MEGF6: variants seen among roughly 807,000 people sequenced by gnomAD.
MEGF6 encodes multiple epidermal growth factor-like domains protein 6.
A neutral mutation model predicts 207.1 loss-of-function variants in MEGF6; 184 were observed. The ratio of observed to expected loss-of-function variants is 0.89; its 90% confidence interval spans 0.79 to 1.00. The LOEUF (loss-of-function observed/expected upper bound fraction) is 1.00, where lower values mean the gene tolerates loss of function less well. Among genes scored for constraint, MEGF6 ranks in the 50% least tolerant of loss-of-function variants. The pLI, the probability that MEGF6 is intolerant of heterozygous loss-of-function variation, is 0.00. For missense variants in MEGF6, 2,282 were observed against 2,202.9 expected, an observed-to-expected ratio of 1.04 and a Z score of -0.72; for synonymous variants, 1,038 against 910.0, an observed-to-expected ratio of 1.14 and a Z score of -2.53.
intron 3 of MEGF6, among the ~76,000 whole-genome samples, chr1:3,584,165 G>A (rs143296542): frequency 7.9e-4 from 121 of 152,366 alleles, no homozygotes; most frequent in African/African-American, 2.6e-3. Context: ...AGGGCATGGC[G>A]GCATGTCCAG....
intron 13 of MEGF6, 26 bp from the exon 14 acceptor site, chr1:3,507,949 AG>A: frequency 6.2e-7 from 1 of 1,602,560 alleles, no homozygotes; most frequent in African/African-American, 1.3e-5. Context: ...GGGAAGCGTC[AG>A]GGTCACCAGC....
At position 3,585,050 on chromosome 1, in the gene MEGF6, GAGTGAGTGACACGTGTCCTA is replaced by G. The variant is rs1190450741; in HGVS notation, c.377-5141_377-5122del. ...TGAGTGACACACGTCCTGTGTGTGGGAGTGAGTGACACGTGTCCTATGTGTGAGTGTGAGTGAGGACACAT... is the reference window on the plus strand; with the variant it reads ...TGAGTGACACACGTCCTGTGTGTGGGTGTGTGAGTGTGAGTGAGGACACAT... On this transcript the variant is annotated intron_variant, in intron 3 of 36. Transcript: ENST00000356575. 4.2e-4 allele frequency among the ~76,000 whole-genome samples: 64 copies of G among 151,888 alleles called. 1 individual carries two copies. In the South Asian group the frequency reaches 4.9e-3, roughly 12 times the overall value.
intron 4 of MEGF6, among the ~76,000 whole-genome samples, chr1:3,534,755 A>T (rs1172829555): frequency 6.6e-6 from 1 of 152,236 alleles, no homozygotes; most frequent in African/African-American, 2.4e-5. Context: ...GGACACAGCC[A>T]TGGTCCGGAG....
chr1:3,576,920 G>C (rs1172670214), intron 4 of MEGF6, among the ~76,000 whole-genome samples: 1 of 137,248 alleles, frequency 7.3e-6, no homozygotes, highest in Non-Finnish European at 1.5e-5. Context: ...ACCTGGCCCT[G>C]CACACTCCAC....
chr1:3,499,055 C>G (rs1466908181), intron 24 of MEGF6, 83 bp downstream of exon 24: 1 of 1,540,648 alleles, frequency 6.5e-7, no homozygotes, highest in Non-Finnish European at 8.8e-7. Context: ...CCCCAGGCAC[C>G]AAGTGTCCTG....
chr1:3,541,525 T>C (rs1642518762), intron 4 of MEGF6, among the ~76,000 whole-genome samples: 1 of 152,160 alleles, frequency 6.6e-6, no homozygotes, highest in South Asian at 2.1e-4. Context: ...CTGGCCTGGG[T>C]GCCAGGACCA....
intron 4 of MEGF6, among the ~76,000 whole-genome samples, chr1:3,532,183 A>G (rs966291430): frequency 6.6e-6 from 1 of 152,226 alleles, no homozygotes; most frequent in Non-Finnish European, 1.5e-5. Context: ...CCTCGAGGGC[A>G]TAGCCCGGGG....
chr1:3,580,258 A>G, intron 3 of MEGF6, among the ~76,000 whole-genome samples: 1 of 107,074 alleles, frequency 9.3e-6, no homozygotes, highest in African/African-American at 3.5e-5. Flanking sequence ...GGGAGGAGGG[A>G]AGGTGGGGGT....
intron 4 of MEGF6, 81 bp downstream of exon 4, chr1:3,579,744 G>T: frequency 1.0e-6 from 1 of 995,682 alleles, no homozygotes; most frequent in Non-Finnish European, 1.4e-6. Flanking sequence ...TGCTGGGGAC[G>T]GCCAGTGGCC....
intron 4 of MEGF6, among the ~76,000 whole-genome samples, chr1:3,557,199 T>G (rs1222922346): frequency 6.6e-6 from 1 of 152,196 alleles, no homozygotes; most frequent in Non-Finnish European, 1.5e-5. Context: ...TGACAAGACC[T>G]TGGCGTAAGC....
Position 3,490,909 on chromosome 1 carries a change from T to C in MEGF6, c.4564+3A>G, listed in dbSNP as rs187710914. On this transcript the variant is annotated splice_donor_region_variant and intron_variant, in intron 36 of 36. Coordinates refer to ENST00000356575, the MANE Select transcript of MEGF6 (RefSeq NM_001409.4). ...GCCCACGGGCATTCCCCACACCCCTTACCTGAGCCCTGGGCTAAGGACGGG... is the reference window on the plus strand; with the variant it reads ...GCCCACGGGCATTCCCCACACCCCTCACCTGAGCCCTGGGCTAAGGACGGG... 4 of 1,589,384 alleles carry C rather than the reference T, an allele frequency of 2.5e-6. No individual in the cohort carries two copies. The highest frequency in any genetic ancestry group is 1.7e-5 in the Admixed American group (1 of 57,230).
chr1:3,499,939 C>G lies in MEGF6; in HGVS notation c.2708-15G>C. The stretch of plus-strand genomic sequence containing the variant: ...CTGGGGACACTCTGAGATATGCAGC[C>G]CCGGCCCACAGTCAGCCAGAGGGCC... On this transcript the variant is annotated splice_polypyrimidine_tract_variant and intron_variant, in intron 21 of 36. Coordinates refer to ENST00000356575, the MANE Select transcript of MEGF6 (RefSeq NM_001409.4). The G allele has an allele frequency of 6.5e-7, 1 of 1,549,360 alleles. No homozygotes were observed. The highest frequency in any genetic ancestry group is 2.4e-5 in the East Asian group (1 of 41,424).
intron 3 of MEGF6, among the ~76,000 whole-genome samples, chr1:3,583,885 C>T (rs61762199): frequency 0.011 from 485 of 43,578 alleles, 5 homozygotes; most frequent in South Asian, 0.021. Flanking sequence ...CACCAGACAA[C>T]GCGCAGCCAC....
In MEGF6 at chr1:3,500,743, C is replaced by T; in HGVS notation, c.2597G>A (p.Gly866Glu). 1.2e-6 allele frequency: 2 copies of T among 1,603,346 alleles called. No individual in the cohort carries two copies. Among genetic ancestry groups the T allele is most frequent in the Non-Finnish European group, 8.5e-7 (1 of 1,175,654 alleles). The change falls in exon 21 of 37, where the codon GGA (glycine) becomes GAA (glutamate). Residue 866 changes from glycine (G) to glutamate (E), a missense_variant. Gly to Glu is a moderately conservative substitution (Grantham distance 98). Coordinates refer to ENST00000356575, the MANE Select transcript of MEGF6 (RefSeq NM_001409.4). ...GTTGCAGGGGTGGCTGCAGTCAGGT[C>T]CCCAGTGCCCAGTATCACAGGCTGC... ...CQRACDTGHW[G>E]PDCSHPCNCS...
intron 32 of MEGF6, 76 bp from the exon 33 acceptor site, chr1:3,494,200 C>G (rs1640501096): frequency 1.3e-6 from 2 of 1,505,440 alleles, no homozygotes; most frequent in Admixed American, 2.2e-5. Flanking sequence ...TGAGTAAAAC[C>G]CGCCAATCCA....
intron 5 of MEGF6, among the ~76,000 whole-genome samples, chr1:3,520,599 G>A (rs1439069592): frequency 6.6e-6 from 1 of 152,032 alleles, no homozygotes; most frequent in African/African-American, 2.4e-5. Flanking sequence ...CGGGGCAATG[G>A]GGCACACCAG....
intron 1 of MEGF6, 78 bp downstream of exon 1, chr1:3,611,060 G>A: frequency 7.3e-7 from 1 of 1,373,658 alleles, no homozygotes; most frequent in Non-Finnish European, 9.4e-7. Context: ...AAGCCTCGGA[G>A]CTCGGTCCAC....
intron 4 of MEGF6, among the ~76,000 whole-genome samples, chr1:3,574,579 G>A (rs143774881): frequency 0.028 from 4,166 of 150,634 alleles, 83 homozygotes; most frequent in South Asian, 0.046. Context: ...GACTGGTGCC[G>A]GGGGTGGGGG....
chr1:3,612,243 G>A (rs1053690689), upstream of MEGF6, among the ~76,000 whole-genome samples: 6 of 151,468 alleles, frequency 4.0e-5, no homozygotes, highest in African/African-American at 1.2e-4. Flanking sequence ...GTGGGCGCGG[G>A]GTCCCAGCAG....
Sources: allele counts gnomAD v4.1 joint callset (sites outside exome capture counted in the v4.1 genomes callset), GRCh38; gene constraint gnomAD v4.1.1; transcripts MANE v1.5; gene names NCBI Gene and HGNC (gene_info 2026-07-23, HGNC 2026-07-21).